The following DSCAM variants were observed in gnomAD, a reference collection of about 807,000 sequenced individuals.
DSCAM encodes DS cell adhesion molecule.
Under a neutral mutation model 217.7 loss-of-function variants are expected in DSCAM, and 47 were observed. The ratio of observed to expected loss-of-function variants is 0.22; its 90% CI spans 0.17 to 0.28. DSCAM has a LOEUF of 0.28. DSCAM is among the 10% of genes least tolerant of loss of function. The pLI is 1.00. For missense variants in DSCAM, 2,080 were observed against 2,618.3 expected, an observed-to-expected ratio of 0.79 and a Z score of 4.49; for synonymous variants, 1,056 against 1,015.3, an observed-to-expected ratio of 1.04 and a Z score of -0.76.
At chr21:40,240,107 G>T (rs1439566457) in intron 11 of DSCAM, among the ~76,000 whole-genome samples, 1 of 152,118 alleles carries the variant, frequency 6.6e-6, no homozygotes, top group Non-Finnish European at 1.5e-5. Context: ...CACAAGATCT[G>T]CCCCTGGGCC....
intron 20 of DSCAM, among the ~76,000 whole-genome samples, chr21:40,117,726 G>A (rs888684433): frequency 2.6e-5 from 4 of 152,148 alleles, no homozygotes; most frequent in East Asian, 1.9e-4. Flanking sequence ...TGTGGTGTGC[G>A]AGTACTTTCG....
At chr21:40,313,146 A>G (rs527622008) in intron 8 of DSCAM, among the ~76,000 whole-genome samples, 18 of 152,174 alleles carry the variant, frequency 1.2e-4, no homozygotes, top group Non-Finnish European at 2.4e-4. Context: ...AGTAAAATAA[A>G]TATTCCAATT....
At chr21:40,111,215 T>C (rs2089894999) in intron 20 of DSCAM, among the ~76,000 whole-genome samples, 1 of 152,224 alleles carries the variant, frequency 6.6e-6, no homozygotes, top group Non-Finnish European at 1.5e-5. Context: ...AGAGCTGATC[T>C]CTCAGCAGAA....
intron 3 of DSCAM, among the ~76,000 whole-genome samples, chr21:40,488,445 T>C (rs1230373486): frequency 1.3e-5 from 2 of 152,208 alleles, no homozygotes; most frequent in South Asian, 2.1e-4. Flanking sequence ...GATTGCCTGA[T>C]AGTTTCAATG....
At chr21:40,289,950 G>C (rs776284239) in intron 10 of DSCAM, among the ~76,000 whole-genome samples, 1 of 152,208 alleles carries the variant, frequency 6.6e-6, no homozygotes, top group Non-Finnish European at 1.5e-5. Flanking sequence ...AGCTGGCAGA[G>C]CTGGAGAGAA....
intron 3 of DSCAM, among the ~76,000 whole-genome samples, chr21:40,394,717 T>C (rs1372433102): frequency 1.3e-5 from 2 of 152,178 alleles, no homozygotes; most frequent in African/African-American, 4.8e-5. Context: ...AGCCTTGATC[T>C]TGGGCTGAGG....
chr21:40,054,926 C>A (rs116321600), intron 29 of DSCAM, among the ~76,000 whole-genome samples: 2 of 152,130 alleles, frequency 1.3e-5, no homozygotes, highest in Non-Finnish European at 2.9e-5. Flanking sequence ...GTAATGCACA[C>A]GAAGTGCTTA....
At chr21:40,543,156 A>G (rs2076554945) in intron 3 of DSCAM, among the ~76,000 whole-genome samples, 1 of 152,212 alleles carries the variant, frequency 6.6e-6, no homozygotes, top group Admixed American at 6.5e-5. Flanking sequence ...ATAGGCTGGA[A>G]AGGTCAGACA....
chr21:40,477,119 A>G (rs1462700848), intron 3 of DSCAM, among the ~76,000 whole-genome samples: 1 of 152,200 alleles, frequency 6.6e-6, no homozygotes, highest in Non-Finnish European at 1.5e-5. Flanking sequence ...CAATGTGGAA[A>G]AGTATAAAAT....
At chr21:40,601,637 G>A (rs1386629982) in intron 3 of DSCAM, among the ~76,000 whole-genome samples, 1 of 152,146 alleles carries the variant, frequency 6.6e-6, no homozygotes, top group Non-Finnish European at 1.5e-5. Context: ...TATGATGTCT[G>A]TTATAGGTTT....
chr21:40,436,458 T>C (rs2075583401), intron 3 of DSCAM, among the ~76,000 whole-genome samples: 1 of 152,208 alleles, frequency 6.6e-6, no homozygotes, highest in African/African-American at 2.4e-5. Flanking sequence ...GCAGCTCTGG[T>C]TCATGCTGGC....
At chr21:40,451,071 G>C (rs927796904) in intron 3 of DSCAM, among the ~76,000 whole-genome samples, 1 of 152,114 alleles carries the variant, frequency 6.6e-6, no homozygotes. Flanking sequence ...AGTGGAGTTG[G>C]GGGCAGGAAG....
intron 15 of DSCAM, among the ~76,000 whole-genome samples, chr21:40,178,210 A>T (rs146848824): frequency 6.6e-6 from 1 of 152,158 alleles, no homozygotes; most frequent in Non-Finnish European, 1.5e-5. Flanking sequence ...CGGAAACATG[A>T]GTGGCTCGCA....
chr21:40,696,115 T>C (rs2090592458), intron 2 of DSCAM, among the ~76,000 whole-genome samples: 2 of 152,304 alleles, frequency 1.3e-5, no homozygotes, highest in East Asian at 1.9e-4. Flanking sequence ...TTAAATTTGA[T>C]TGACATTTGC....
intron 3 of DSCAM, among the ~76,000 whole-genome samples, chr21:40,619,076 T>TAAAAAAAACAA (rs1441658688): frequency 6.6e-6 from 1 of 151,638 alleles, no homozygotes; most frequent in African/African-American, 2.4e-5. Flanking sequence ...TAAGCAATTT[T>TAAAAAAAACAA]AAAAAAAACA....
chr21:40,188,906 A>C, intron 12 of DSCAM, 136 bp downstream of exon 12: 1 of 853,790 alleles, frequency 1.2e-6, no homozygotes, highest in South Asian at 1.7e-5. Context: ...CGCTGTGTGA[A>C]AGGGGAGAGA....
At chr21:40,342,648 A>ATATATATATATATATATATATTTTTT (rs61637421) in intron 6 of DSCAM, among the ~76,000 whole-genome samples, 2 of 80,320 alleles carry the variant, frequency 2.5e-5, no homozygotes, top group African/African-American at 1.0e-4. Context: ...ATATATATAT[A>ATATATATATATATATATATATTTTTT]TTTTTTTTTT....
chr21:40,842,843 A>C (rs2123689848), intron 1 of DSCAM, among the ~76,000 whole-genome samples: 1 of 152,256 alleles, frequency 6.6e-6, no homozygotes, highest in South Asian at 2.1e-4. Flanking sequence ...ATGACAAAGG[A>C]GAGAGTCAAA....
intron 3 of DSCAM, among the ~76,000 whole-genome samples, chr21:40,648,612 T>C (rs904282359): frequency 6.6e-6 from 1 of 152,170 alleles, no homozygotes; most frequent in Non-Finnish European, 1.5e-5. Context: ...ATTTTACATA[T>C]ACCTATCCTT....
Sources: allele counts gnomAD v4.1 joint callset (sites outside exome capture counted in the v4.1 genomes callset), GRCh38; gene constraint gnomAD v4.1.1; transcripts MANE v1.5; gene names NCBI Gene and HGNC (gene_info 2026-07-23, HGNC 2026-07-21).